TANC2: variants seen among roughly 807,000 people sequenced by gnomAD.
TANC2 encodes protein TANC2.
A neutral mutation model predicts 210.5 loss-of-function variants in TANC2; 26 were observed. The observed-to-expected ratio is 0.12, with a 90% CI of 0.09 to 0.17. TANC2 has a LOEUF of 0.17. Ranked by LOEUF, TANC2 falls within the 10% of genes least tolerant of loss-of-function variation. TANC2 has a pLI of 1.00. For missense variants in TANC2, 2,129 were observed against 2,608.9 expected (o/e 0.82, Z 4.01); for synonymous variants, 931 against 967.1 (o/e 0.96, Z 0.69).
rs559858164 is a variant in TANC2 at position 63,372,537 on chromosome 17, G to A, written c.2583-7181G>A. 8.5e-5 allele frequency among the ~76,000 whole-genome samples: 13 copies of A among 152,264 alleles called. No homozygotes were observed. The South Asian group carries it at 2.7e-3, about 32-fold the overall frequency. On this transcript the variant is annotated intron_variant, in intron 14 of 27. Coordinates refer to ENST00000689528, the Ensembl canonical transcript of TANC2. ...TTAGCGTTACACTAGTTACTCTGAA[G>A]AATATAAAAGAAATATAAAATAAAA...
intron 11 of TANC2, among the ~76,000 whole-genome samples, chr17:63,334,452 A>G (rs953976773): frequency 1.3e-5 from 2 of 149,990 alleles, no homozygotes; most frequent in African/African-American, 5.1e-5. Flanking sequence ...TACTTATTAA[A>G]TCAATAATAA....
chr17:63,113,918 C>G (rs1314327402), intron 4 of TANC2, among the ~76,000 whole-genome samples: 1 of 152,184 alleles, frequency 6.6e-6, no homozygotes, highest in African/African-American at 2.4e-5. Flanking sequence ...GGTTGAACAT[C>G]TCTGTTTTCC....
chr17:63,232,770 C>CT (rs1316864246), intron 7 of TANC2, among the ~76,000 whole-genome samples: 4 of 152,276 alleles, frequency 2.6e-5, no homozygotes, highest in African/African-American at 9.6e-5. Flanking sequence ...AGCACTCTGG[C>CT]TGCCCCTTGG....
In TANC2 at chr17:63,210,950, A is replaced by G. The variant is rs766661412; in HGVS notation, c.769+9993A>G. 1.4e-4 allele frequency among the ~76,000 whole-genome samples: 21 copies of G among 152,104 alleles called. No homozygotes were observed. The South Asian group carries it at 1.9e-3, about 14-fold the overall frequency. ...AATATCCTTTTATAATGGCATCCCT[A>G]CCTACCCAGGAACCTAAGACAGATA... is the stretch of plus-strand genomic sequence containing the variant. On this transcript the variant is annotated intron_variant, in intron 7 of 27. Coordinates refer to ENST00000689528, the Ensembl canonical transcript of TANC2.
intron 4 of TANC2, among the ~76,000 whole-genome samples, chr17:63,125,415 G>A (rs1421053001): frequency 2.6e-5 from 4 of 151,772 alleles, no homozygotes; most frequent in Non-Finnish European, 4.4e-5. Context: ...TTTTTTCTTT[G>A]TTGAGAAGGG....
intron 9 of TANC2, among the ~76,000 whole-genome samples, chr17:63,275,258 C>T (rs1375412024): frequency 6.6e-6 from 1 of 152,100 alleles, no homozygotes; most frequent in Non-Finnish European, 1.5e-5. Context: ...AGAACTTTTA[C>T]TAAATCTCAT....
chr17:63,171,619 T>C (rs551313554), intron 5 of TANC2, among the ~76,000 whole-genome samples: 1 of 152,336 alleles, frequency 6.6e-6, no homozygotes, highest in African/African-American at 2.4e-5. Context: ...AAATACAGTC[T>C]AGATTTCTGT....
intron 1 of TANC2, among the ~76,000 whole-genome samples, chr17:62,983,926 TC>T (rs1230941597): frequency 7.2e-5 from 11 of 152,152 alleles, no homozygotes; most frequent in African/African-American, 2.4e-4. Context: ...GCTTGTAGTC[TC>T]CTTTTTTTGT....
exon 28 of TANC2, chr17:63,422,068 T>C: frequency 7.3e-7 from 1 of 1,364,244 alleles, no homozygotes; most frequent in Non-Finnish European, 9.9e-7. Flanking sequence ...CTGTGTGGTG[T>C]TCAGAGGTGG....
At chr17:63,258,912 A>T (rs1219406727) in intron 8 of TANC2, among the ~76,000 whole-genome samples, 3 of 152,058 alleles carry the variant, frequency 2.0e-5, no homozygotes, top group African/African-American at 4.8e-5. Context: ...GTCCTCCCTC[A>T]AAAAGGGAAT....
At chr17:63,194,237 A>G in intron 6 of TANC2, 98 bp downstream of exon 6, 1 of 1,190,904 alleles carries the variant, frequency 8.4e-7, no homozygotes, top group South Asian at 2.0e-5. Flanking sequence ...GGCCTAGAAT[A>G]CAACTTAACT....
At chr17:63,085,058 T>C (rs1352074484) in intron 3 of TANC2, among the ~76,000 whole-genome samples, 1 of 152,178 alleles carries the variant, frequency 6.6e-6, no homozygotes, top group African/African-American at 2.4e-5. Flanking sequence ...GATCTGTCCA[T>C]TTCTGATAGA....
rs1027665708 is a variant in TANC2, at chr17:63,040,314, A to G, written c.67+30688A>G. 6.6e-5 allele frequency among the ~76,000 whole-genome samples: 10 copies of G among 152,362 alleles called. No individual in the cohort carries two copies. In the East Asian group the frequency reaches 7.7e-4, roughly 12 times the overall value. On this transcript the variant is annotated intron_variant, in intron 2 of 27. Coordinates refer to ENST00000689528, the Ensembl canonical transcript of TANC2. ...TTCTCTGTCCTTGGTTTCTTGAACAATGTTCAGCATTGACTCAAGGCACTG... is the reference window on the plus strand; with the variant it reads ...TTCTCTGTCCTTGGTTTCTTGAACAGTGTTCAGCATTGACTCAAGGCACTG...
intron 8 of TANC2, among the ~76,000 whole-genome samples, chr17:63,260,483 T>C (rs1452871635): frequency 6.6e-6 from 1 of 152,232 alleles, no homozygotes; most frequent in Non-Finnish European, 1.5e-5. Context: ...TTATACTAGG[T>C]GATCTTTTAA....
chr17:63,015,362 C>T (rs2034059402), intron 2 of TANC2, among the ~76,000 whole-genome samples: 1 of 151,910 alleles, frequency 6.6e-6, no homozygotes, highest in Non-Finnish European at 1.5e-5. Flanking sequence ...TACATGTGCA[C>T]AACGTGCAGG....
intron 5 of TANC2, among the ~76,000 whole-genome samples, chr17:63,193,531 T>C (rs1009455489): frequency 6.6e-6 from 1 of 152,220 alleles, no homozygotes; most frequent in African/African-American, 2.4e-5. Flanking sequence ...GCTGTTGTTT[T>C]GGCATCAAAC....
intron 4 of TANC2, among the ~76,000 whole-genome samples, chr17:63,109,659 T>TTAA (rs1433669112): frequency 1.3e-5 from 2 of 151,736 alleles, no homozygotes; most frequent in African/African-American, 2.4e-5. Flanking sequence ...CTAGACAGTG[T>TTAA]TAAGTAATTT....
rs1460600247 is a variant in TANC2 at position 63,379,702 on chromosome 17, TTC to T, written c.2583-12_2583-11del. On this transcript the variant is annotated splice_polypyrimidine_tract_variant and intron_variant, in intron 14 of 27. Coordinates refer to ENST00000689528, the Ensembl canonical transcript of TANC2. ...AATAAATTAATTAATTAAAATGAAT[TTC>T]TCTTTTTTTGCAGGAGTGGTCACAC... 2 of 1,557,946 alleles carry T rather than the reference TTC, an allele frequency of 1.3e-6. No individual in the cohort carries two copies. The highest frequency in any genetic ancestry group is 1.7e-6 in the Non-Finnish European group (2 of 1,147,982).
At chr17:63,372,787 T>A (rs911484744) in intron 14 of TANC2, among the ~76,000 whole-genome samples, 4 of 152,146 alleles carry the variant, frequency 2.6e-5, no homozygotes, top group Non-Finnish European at 5.9e-5. Context: ...CATAAGGTGA[T>A]ATTATATAAG....
Sources: allele counts gnomAD v4.1 joint callset (sites outside exome capture counted in the v4.1 genomes callset), GRCh38; gene constraint gnomAD v4.1.1; transcripts MANE v1.5; gene names NCBI Gene and HGNC (gene_info 2026-07-23, HGNC 2026-07-21).